Variants in MTCL1 observed in about 807,000 individuals in gnomAD.
MTCL1 encodes microtubule crosslinking factor 1, also known as microtubule cross-linking factor 1.
Under a neutral mutation model 141.4 loss-of-function variants are expected in MTCL1, and 79 were observed. The ratio of observed to expected loss-of-function variants is 0.56; its 90% CI spans 0.47 to 0.67. The LOEUF (loss-of-function observed/expected upper bound fraction) is 0.67, where lower values mean the gene tolerates loss of function less well. Ranked by LOEUF, MTCL1 falls within the 30% of genes least tolerant of loss-of-function variation. The pLI, the probability that MTCL1 is intolerant of heterozygous loss-of-function variation, is 0.00. For synonymous variants in MTCL1, 914 were observed against 875.8 expected (o/e 1.04, Z -0.77); for missense variants, 2,177 against 2,113.9 (o/e 1.03, Z -0.59).
intron 1 of MTCL1, among the ~76,000 whole-genome samples, chr18:8,708,356 T>C (rs2096068953): frequency 6.6e-6 from 1 of 152,240 alleles, no homozygotes; most frequent in African/African-American, 2.4e-5. Flanking sequence ...GGTTATTTCC[T>C]TTATTTTTTC....
At position 8,779,640 on chromosome 18, in the gene MTCL1, G is replaced by A. The variant is rs532931609; in HGVS notation, c.417+1748G>A. Among the ~76,000 whole-genome samples, 100 of 152,138 alleles carry A rather than the reference G, an allele frequency of 6.6e-4. No homozygotes were observed. The highest frequency in any genetic ancestry group is 1.1e-3 in the Non-Finnish European group (73 of 68,004). On this transcript the variant is annotated intron_variant, in intron 5 of 16. Coordinates refer to ENST00000359865, the Ensembl canonical transcript of MTCL1. This position sits in a 1 kb window ranked among gnomAD's most constrained non-coding sequence, Gnocchi z 4.1. Reference sequence around the variant, plus strand: ...CCTGCTCCAGCTGCCTCGACCTCACGGAAGACGTCTGACTCCTTCATTTAA... The same window carrying A: ...CCTGCTCCAGCTGCCTCGACCTCACAGAAGACGTCTGACTCCTTCATTTAA...
At chr18:8,726,557 A>G (rs1350164061) in intron 4 of MTCL1, among the ~76,000 whole-genome samples, 11 of 54,770 alleles carry the variant, frequency 2.0e-4, no homozygotes, top group African/African-American at 5.6e-4. Flanking sequence ...GCAACAAGCA[A>G]TGTTCTGGTG....
chr18:8,831,643 C>G, exon 17 of MTCL1: 1 of 1,550,568 alleles, frequency 6.4e-7, no homozygotes. Context: ...ATCCCTAGAG[C>G]CCTGCTTCTC....
intron 4 of MTCL1, among the ~76,000 whole-genome samples, chr18:8,726,484 A>AG (rs1446691838): frequency 8.7e-6 from 1 of 115,072 alleles, no homozygotes; most frequent in Non-Finnish European, 1.7e-5. Context: ...AGAGAGAGAG[A>AG]GAGAGAGAGA....
intron 10 of MTCL1, among the ~76,000 whole-genome samples, chr18:8,801,080 G>C (rs1034537079): frequency 6.6e-6 from 1 of 152,148 alleles, no homozygotes; most frequent in Admixed American, 6.5e-5. Context: ...CTCCTTGTCG[G>C]GGCTTCTGTG....
chr18:8,828,884 T>G lies in MTCL1; in HGVS notation c.4723-24T>G. The G allele has an allele frequency of 6.2e-7, 1 of 1,613,184 alleles. No homozygotes were observed. The highest frequency in any genetic ancestry group is 1.1e-5 in the South Asian group (1 of 91,092). On this transcript the variant is annotated intron_variant, in intron 15 of 16. Coordinates refer to ENST00000359865, the Ensembl canonical transcript of MTCL1. This position sits in a 1 kb window ranked among gnomAD's most constrained non-coding sequence, Gnocchi z 5.2. ...CTTTCCAACCTTCTTGCTTTTCTTT[T>G]CTTTCTCTGTCTGTTCTGTCCAGAA...
chr18:8,740,595 G>A (rs2148906489), intron 4 of MTCL1, among the ~76,000 whole-genome samples: 2 of 152,240 alleles, frequency 1.3e-5, no homozygotes, highest in Middle Eastern at 6.8e-3. Context: ...CGATTTTCCT[G>A]CCTCAGCCTC....
At chr18:8,776,781 G>A (rs1346582711) in intron 4 of MTCL1, among the ~76,000 whole-genome samples, 1 of 150,424 alleles carries the variant, frequency 6.6e-6, no homozygotes, top group Non-Finnish European at 1.5e-5. Context: ...TTTGAGACAA[G>A]GTCTTGCTCT....
At chr18:8,718,364 G>T (rs1308387589) in intron 2 of MTCL1, 60 bp from the exon 2 acceptor site, 18 of 1,515,700 alleles carry the variant, frequency 1.2e-5, no homozygotes, top group Non-Finnish European at 7.3e-6. Flanking sequence ...ATGAAGGAGA[G>T]ACATGCCATC....
chr18:8,745,920 C>T (rs1007670313), intron 4 of MTCL1, among the ~76,000 whole-genome samples: 2 of 152,156 alleles, frequency 1.3e-5, no homozygotes, highest in Admixed American at 6.5e-5. Context: ...CCCTGGCAAC[C>T]ACCATTCTAT....
At position 8,828,839 on chromosome 18, in the gene MTCL1, G is replaced by A; in HGVS notation, c.4723-69G>A. 6.2e-7 allele frequency: 1 copy of A among 1,611,506 alleles called. No homozygotes were observed. On this transcript the variant is annotated intron_variant, in intron 15 of 16. Coordinates refer to ENST00000359865, the Ensembl canonical transcript of MTCL1. This position sits in a 1 kb window ranked among gnomAD's most constrained non-coding sequence, Gnocchi z 5.2. ...GGCTTGCTGACTTTAAACCTTTATT[G>A]TTCTCCTGTTTAAAAAACACTTTCC...
intron 14 of MTCL1, among the ~76,000 whole-genome samples, chr18:8,823,099 C>G (rs542670647): frequency 1.3e-5 from 2 of 152,174 alleles, no homozygotes; most frequent in African/African-American, 2.4e-5. Context: ...GCCCTCCCCA[C>G]TGTCCCCATG....
At chr18:8,722,523 G>T (rs1202964460) in intron 4 of MTCL1, among the ~76,000 whole-genome samples, 1 of 152,226 alleles carries the variant, frequency 6.6e-6, no homozygotes, top group Admixed American at 6.5e-5. Context: ...TTTGCATGTT[G>T]TATGTATTAT....
chr18:8,758,645 G>A (rs901886679), intron 4 of MTCL1, among the ~76,000 whole-genome samples: 5 of 152,142 alleles, frequency 3.3e-5, no homozygotes, highest in Non-Finnish European at 7.3e-5. Context: ...GTGTGACTGC[G>A]TTCCTTTGTG....
chr18:8,780,944 A>G (rs1017917548), intron 5 of MTCL1, among the ~76,000 whole-genome samples: 3 of 152,074 alleles, frequency 2.0e-5, no homozygotes, highest in African/African-American at 7.2e-5. Flanking sequence ...GAGGTGGTGG[A>G]TCATCTGAGG....
chr18:8,807,821 T>C (rs1326910668), intron 11 of MTCL1, among the ~76,000 whole-genome samples: 1 of 152,154 alleles, frequency 6.6e-6, no homozygotes, highest in Non-Finnish European at 1.5e-5. Flanking sequence ...AGCCCCTTGA[T>C]CATGAGGAGG....
chr18:8,744,366 G>A (rs112810048), intron 4 of MTCL1, among the ~76,000 whole-genome samples: 163 of 152,270 alleles, frequency 1.1e-3, no homozygotes, highest in African/African-American at 3.8e-3. Context: ...AAGTATCATC[G>A]GTGTTATCAA....
rs770424232 is a variant in MTCL1 at position 8,786,118 on chromosome 18, C to CT, written c.1887+27_1887+28insT. 3.6e-5 allele frequency: 50 copies of CT among 1,400,526 alleles called. 1 individual carries two copies. Among genetic ancestry groups the CT allele is most frequent in the Middle Eastern group, 3.7e-4 (2 of 5,466 alleles). 86.8% of individuals were successfully genotyped at this position (1,400,526 alleles called of 1,614,324 possible). ...TCAGCGTGGGCAAGCAATCCCCCCC[C>CT]CCCGCCCTCCCCCTCCTTTTTCTGT... is the stretch of plus-strand genomic sequence containing the variant. On this transcript the variant is annotated intron_variant, in intron 7 of 16. Transcript: ENST00000359865.
intron 15 of MTCL1, among the ~76,000 whole-genome samples, chr18:8,827,029 T>G (rs1439764300): frequency 6.6e-6 from 1 of 152,226 alleles, no homozygotes; most frequent in African/African-American, 2.4e-5. Flanking sequence ...GATGCCACTT[T>G]GTGGTTCGTG....
Sources: allele counts gnomAD v4.1 joint callset (sites outside exome capture counted in the v4.1 genomes callset), GRCh38; gene constraint gnomAD v4.1.1; non-coding constraint Gnocchi (gnomAD v3.1); transcripts MANE v1.5; gene names NCBI Gene and HGNC (gene_info 2026-07-23, HGNC 2026-07-21).